SORL1: variants seen among roughly 807,000 people sequenced by gnomAD.
The protein encoded by SORL1 is sortilin-related receptor.
A neutral mutation model predicts 273.7 loss-of-function variants in SORL1; 127 were observed. The ratio of observed to expected loss-of-function variants is 0.46; its 90% CI spans 0.40 to 0.54. SORL1 has a LOEUF of 0.54. SORL1 is among the 20% of genes least tolerant of loss of function. SORL1 has a pLI of 0.00. For synonymous variants in SORL1, 1,031 were observed against 1,067.4 expected (o/e 0.97, Z 0.66); for missense variants, 2,494 against 2,846.1 (o/e 0.88, Z 2.81).
intron 25 of SORL1, among the ~76,000 whole-genome samples, chr11:121,579,179 C>T (rs1434844897): frequency 6.6e-6 from 1 of 152,202 alleles, no homozygotes; most frequent in Non-Finnish European, 1.5e-5. Context: ...TTTCTTCCGG[C>T]AAGGCAAACT....
At chr11:121,548,191 CCTTTTGCAAT>C (rs1369356637) in intron 14 of SORL1, among the ~76,000 whole-genome samples, 1 of 152,158 alleles carries the variant, frequency 6.6e-6, no homozygotes, top group Non-Finnish European at 1.5e-5. Context: ...TATGATGGGG[CCTTTTGCAAT>C]CTTTTGCACT....
intron 5 of SORL1, among the ~76,000 whole-genome samples, chr11:121,491,926 G>A (rs1348020146): frequency 6.6e-6 from 1 of 152,140 alleles, no homozygotes; most frequent in Non-Finnish European, 1.5e-5. Flanking sequence ...CAGGATATTT[G>A]CAATTGCTGT....
Position 121,574,269 on chromosome 11 carries a change from G to T in SORL1, c.3366G>T (p.Gln1122His), listed in dbSNP as rs200656084. Residue 1122 changes from glutamine to histidine, a missense_variant, in exon 24 of 48, where the codon CAG becomes CAT. Gln to His is a conservative substitution (Grantham distance 24). Around this residue, in one of 3 missense-constraint regions of SORL1, gnomAD observed 1,609 missense variants for 1,816.4 expected, o/e 0.89. Coordinates refer to ENST00000260197, the MANE Select transcript of SORL1 (RefSeq NM_003105.6). ...CPTTICDLDT[Q>H]FRCQESGTCI... ...CCACCATCTGTGACCTGGACACCCA[G>T]TTTCGTTGCCAGGAGTCTGGGACTT... 4 of 1,613,890 alleles carry T rather than the reference G, an allele frequency of 2.5e-6. No homozygotes were observed. Among genetic ancestry groups the T allele is most frequent in the Non-Finnish European group, 3.4e-6 (4 of 1,179,776 alleles).
chr11:121,525,329 T>C (rs947322382), intron 11 of SORL1, among the ~76,000 whole-genome samples: 2 of 152,270 alleles, frequency 1.3e-5, no homozygotes, highest in African/African-American at 4.8e-5. Context: ...TGTATCCCAT[T>C]GTAGGGATAT....
intron 27 of SORL1, 124 bp downstream of exon 27, chr11:121,586,453 T>C: frequency 1.4e-5 from 11 of 765,180 alleles, no homozygotes; most frequent in East Asian, 2.5e-5. Flanking sequence ...ACTGAGTTGA[T>C]CCCTGAGTAC....
chr11:121,589,475 C>G (rs1863175757), intron 29 of SORL1, 85 bp downstream of exon 29: 3 of 1,528,970 alleles, frequency 2.0e-6, no homozygotes, highest in South Asian at 1.1e-5. Flanking sequence ...ACCGGCAACC[C>G]CACTGCAGAC....
At chr11:121,566,118 C>T (rs1862750375) in intron 21 of SORL1, among the ~76,000 whole-genome samples, 1 of 152,024 alleles carries the variant, frequency 6.6e-6, no homozygotes, top group Admixed American at 6.6e-5. Context: ...GAGCAGAAAC[C>T]CACTCAAGCT....
Position 121,452,500 on chromosome 11 carries a change from G to A in SORL1, c.169G>A (p.Glu57Lys). ...GFLVVQGDPR[E>K]LRLWARGDAR... ...CCTCGTGGTGCAGGGCGACCCGCGC[G>A]AGCTGCGGCTGTGGGCGCGCGGGGA... is the stretch of plus-strand genomic sequence containing the variant. Residue 57 changes from glutamate to lysine, a missense_variant, in exon 1 of 48, where the codon GAG becomes AAG. This residue lies in a region of SORL1 where 175 missense variants were observed against 147.1 expected (regional missense o/e 1.19). Transcript: ENST00000260197. This position sits in a 1 kb window ranked among gnomAD's most constrained non-coding sequence, Gnocchi z 5.3. The A allele has an allele frequency of 6.8e-7, 1 of 1,480,320 alleles. No individual in the cohort carries two copies. The highest frequency in any genetic ancestry group is 8.9e-7 in the Non-Finnish European group (1 of 1,118,558). 91.7% of individuals were successfully genotyped at this position (1,480,320 alleles called of 1,614,324 possible).
chr11:121,493,729 G>A (rs1374079705), intron 5 of SORL1, among the ~76,000 whole-genome samples: 4 of 152,058 alleles, frequency 2.6e-5, no homozygotes, highest in Non-Finnish European at 5.9e-5. Context: ...TGTAATTTTA[G>A]TCCTCATTAA....
chr11:121,627,793 C>T lies in SORL1; in HGVS notation c.6577+26C>T, dbSNP rs1409145469. The T allele has an allele frequency of 1.9e-6, 3 of 1,569,850 alleles. No homozygotes were observed. The highest frequency in any genetic ancestry group is 2.6e-6 in the Non-Finnish European group (3 of 1,144,624). ...GTAAGTGGGGCAGGGAGAGTCGGTT[C>T]TTCCTCCCAGGGCTGACCCCCACGC... On this transcript the variant is annotated intron_variant, in intron 47 of 47. Transcript: ENST00000260197. The surrounding 1 kb of genome is among the most constrained non-coding windows in gnomAD (Gnocchi z 4.9).
intron 23 of SORL1, among the ~76,000 whole-genome samples, chr11:121,570,530 C>T (rs117161267): frequency 6.6e-5 from 10 of 152,238 alleles, no homozygotes; most frequent in South Asian, 6.2e-4. Flanking sequence ...TATAAATAAA[C>T]GTCACATGGC....
chr11:121,467,034 T>TC (rs965739014), intron 1 of SORL1, among the ~76,000 whole-genome samples: 5 of 145,480 alleles, frequency 3.4e-5, no homozygotes, highest in Admixed American at 6.7e-5. Flanking sequence ...TTTTTTCTTT[T>TC]TTTTTTTTTT....
Position 121,595,874 on chromosome 11 carries a change from A to G in SORL1, c.4519+102A>G. 1 of 1,298,084 alleles carries G rather than the reference A, an allele frequency of 7.7e-7. No homozygotes were observed. The highest frequency in any genetic ancestry group is 1.1e-6 in the Non-Finnish European group (1 of 942,928). 80.4% of individuals were successfully genotyped at this position (1,298,084 alleles called of 1,614,324 possible). ...CTGGATCAGCACACGCCTGTGTGTG[A>G]GTCTGTGTACTTGCGTAACCATGCT... is the stretch of plus-strand genomic sequence containing the variant. On this transcript the variant is annotated intron_variant, in intron 32 of 47. Coordinates refer to ENST00000260197, the MANE Select transcript of SORL1 (RefSeq NM_003105.6). The surrounding 1 kb of genome is among the most constrained non-coding windows in gnomAD (Gnocchi z 5.1).
intron 1 of SORL1, among the ~76,000 whole-genome samples, chr11:121,455,916 C>T (rs554127921): frequency 1.4e-4 from 21 of 152,140 alleles, no homozygotes; most frequent in African/African-American, 5.1e-4. Context: ...TCGCTTGAAC[C>T]CCGGAGGCGG....
In SORL1 at chr11:121,595,566, G is replaced by C. The variant is rs1863281051; in HGVS notation, c.4370-57G>C. 6.8e-7 allele frequency: 1 copy of C among 1,462,430 alleles called. No individual in the cohort carries two copies. Among genetic ancestry groups the C allele is most frequent in the African/African-American group, 1.4e-5 (1 of 71,216 alleles). 90.6% of individuals were successfully genotyped at this position (1,462,430 alleles called of 1,614,324 possible). On this transcript the variant is annotated intron_variant, in intron 31 of 47. Coordinates refer to ENST00000260197, the MANE Select transcript of SORL1 (RefSeq NM_003105.6). The surrounding 1 kb of genome is among the most constrained non-coding windows in gnomAD (Gnocchi z 5.1). ...TCTCCTAGCATATTGATTGGTTGCT[G>C]TTATTGGCCAGCTCCCTCAATATTA...
chr11:121,524,533 A>C (rs770967515), intron 11 of SORL1, among the ~76,000 whole-genome samples: 2 of 152,202 alleles, frequency 1.3e-5, no homozygotes, highest in African/African-American at 4.8e-5. Context: ...CTGAGTCCCC[A>C]TGGGCAGCCT....
rs1860887749 is a variant in SORL1 at position 121,455,489 on chromosome 11, C to G, written c.285+2873C>G. ...GGAAGGCTTTCTAGGGGAATACTTG[C>G]ATCTGAGAAAGAGCCCTGTGCTGGA... On this transcript the variant is annotated intron_variant, in intron 1 of 47. Coordinates refer to ENST00000260197, the MANE Select transcript of SORL1 (RefSeq NM_003105.6). Among the ~76,000 whole-genome samples, 4 of 152,240 alleles carry G rather than the reference C, an allele frequency of 2.6e-5. No individual in the cohort carries two copies. In the South Asian group the frequency reaches 6.2e-4, roughly 24 times the overall value.
At chr11:121,555,063 A>C in intron 17 of SORL1, 124 bp from the exon 18 acceptor site, 1 of 1,046,720 alleles carries the variant, frequency 9.6e-7, no homozygotes, top group Non-Finnish European at 1.3e-6. Context: ...AAGTTTACTA[A>C]CGTAAAACAT....
chr11:121,494,049 G>A (rs1861593774), intron 5 of SORL1, among the ~76,000 whole-genome samples: 1 of 152,142 alleles, frequency 6.6e-6, no homozygotes, highest in Non-Finnish European at 1.5e-5. Context: ...ACTTTCTTCT[G>A]CTTTATTTGA....
Sources: allele counts gnomAD v4.1 joint callset (sites outside exome capture counted in the v4.1 genomes callset), GRCh38; gene constraint gnomAD v4.1.1; regional missense constraint gnomAD v4.1.1; non-coding constraint Gnocchi (gnomAD v3.1); transcripts MANE v1.5; gene names NCBI Gene and HGNC (gene_info 2026-07-23, HGNC 2026-07-21).